The following CPQ variants were observed in gnomAD, a reference collection of about 807,000 sequenced individuals.
CPQ encodes the protein carboxypeptidase Q, also known as Ser-Met dipeptidase.
A neutral mutation model predicts 45.7 loss-of-function variants in CPQ; 37 were observed. That is an observed-to-expected ratio of 0.81 (90% CI 0.62 to 1.07). The LOEUF (loss-of-function observed/expected upper bound fraction) is 1.07. Ranked by LOEUF, CPQ falls within the 50% of genes least tolerant of loss-of-function variation. The probability of loss-of-function intolerance (pLI) is 0.00; values close to 1 mark genes in which losing one functional copy is unlikely to be tolerated. For synonymous variants in CPQ, 186 were observed against 205.8 expected, an observed-to-expected ratio of 0.90 and a Z score of 0.82; for missense variants, 537 against 572.9, an observed-to-expected ratio of 0.94 and a Z score of 0.64.
At chr8:97,038,497 A>G (rs1810040429) in intron 6 of CPQ, among the ~76,000 whole-genome samples, 1 of 152,184 alleles carries the variant, frequency 6.6e-6, no homozygotes, top group Non-Finnish European at 1.5e-5. Context: ...ATCTGAACTG[A>G]GGCATCATGC....
At chr8:96,780,689 T>C (rs1810674042) in intron 1 of CPQ, among the ~76,000 whole-genome samples, 1 of 151,916 alleles carries the variant, frequency 6.6e-6, no homozygotes, top group Admixed American at 6.6e-5. Context: ...TTCTTTTCTT[T>C]TCTTTCTTTC....
intron 4 of CPQ, among the ~76,000 whole-genome samples, chr8:96,937,086 G>GC (rs1813062040): frequency 6.6e-6 from 1 of 151,998 alleles, no homozygotes; most frequent in South Asian, 2.1e-4. Context: ...ACTGAGAGAT[G>GC]CATAAGGCTT....
chr8:96,662,521 C>T (rs1047337408), intron 1 of CPQ, among the ~76,000 whole-genome samples: 5 of 152,122 alleles, frequency 3.3e-5, no homozygotes, highest in African/African-American at 1.2e-4. Flanking sequence ...GAACTGCATC[C>T]TTAAAGCTGG....
chr8:96,798,143 A>G (rs1810960364), intron 2 of CPQ, among the ~76,000 whole-genome samples: 1 of 150,674 alleles, frequency 6.6e-6, no homozygotes, highest in African/African-American at 2.4e-5. Flanking sequence ...GGCCATATAT[A>G]TATATATTTC....
At chr8:96,784,398 G>GT (rs1324426188) in intron 1 of CPQ, among the ~76,000 whole-genome samples, 1 of 147,142 alleles carries the variant, frequency 6.8e-6, no homozygotes, top group Middle Eastern at 3.4e-3. Context: ...TTGTTCTGAG[G>GT]TGGGGGGGGG....
At chr8:97,078,332 C>G (rs1432594578) in intron 7 of CPQ, among the ~76,000 whole-genome samples, 1 of 152,126 alleles carries the variant, frequency 6.6e-6, no homozygotes, top group Non-Finnish European at 1.5e-5. Context: ...TATTTAGAGG[C>G]CACAGTCTGA....
chr8:96,788,214 A>G (rs1810800134), intron 2 of CPQ, among the ~76,000 whole-genome samples: 2 of 148,494 alleles, frequency 1.3e-5, no homozygotes, highest in African/African-American at 5.0e-5. Context: ...GCTGGAGTGC[A>G]ATGGCACAAT....
At chr8:97,080,942 T>TTCCTTCCTTCTTTCCTTCCC in intron 7 of CPQ, among the ~76,000 whole-genome samples, 1 of 151,876 alleles carries the variant, frequency 6.6e-6, no homozygotes, top group Non-Finnish European at 1.5e-5. Context: ...CTTTCCTTCC[T>TTCCTTCCTTCTTTCCTTCCC]TCCTTCCTTC....
intron 5 of CPQ, among the ~76,000 whole-genome samples, chr8:97,021,060 G>A (rs1206517251): frequency 6.6e-6 from 1 of 152,086 alleles, no homozygotes; most frequent in East Asian, 1.9e-4. Flanking sequence ...ACGCAGGAAT[G>A]GTTTAACATA....
intron 1 of CPQ, among the ~76,000 whole-genome samples, chr8:96,775,125 T>C (rs938321148): frequency 6.6e-6 from 1 of 152,238 alleles, no homozygotes; most frequent in Non-Finnish European, 1.5e-5. Flanking sequence ...TAGAACTGGG[T>C]CACGAGGCCT....
At chr8:96,680,119 C>T (rs1809130080) in intron 1 of CPQ, among the ~76,000 whole-genome samples, 1 of 152,176 alleles carries the variant, frequency 6.6e-6, no homozygotes, top group Admixed American at 6.5e-5. Context: ...GTTGTATTCA[C>T]ATCTTCATTT....
At chr8:96,811,772 C>G (rs1376778668) in intron 2 of CPQ, among the ~76,000 whole-genome samples, 1 of 152,086 alleles carries the variant, frequency 6.6e-6, no homozygotes, top group Non-Finnish European at 1.5e-5. Context: ...TAACTTCTTG[C>G]AACATGTATA....
At chr8:96,887,028 C>A (rs1487364413) in intron 4 of CPQ, among the ~76,000 whole-genome samples, 1 of 152,052 alleles carries the variant, frequency 6.6e-6, no homozygotes, top group African/African-American at 2.4e-5. Context: ...CTTTTTAGCT[C>A]CTTGTCACTT....
intron 7 of CPQ, among the ~76,000 whole-genome samples, chr8:97,101,618 A>G (rs571751847): frequency 2.8e-5 from 4 of 142,124 alleles, no homozygotes; most frequent in South Asian, 2.2e-4. Flanking sequence ...AAGGAATCCA[A>G]CTGAGTTTTG....
chr8:96,764,423 T>C (rs1274631708), intron 1 of CPQ, among the ~76,000 whole-genome samples: 1 of 152,206 alleles, frequency 6.6e-6, no homozygotes, highest in Non-Finnish European at 1.5e-5. Context: ...GAGTGTTCCT[T>C]ATAATACGTT....
chr8:96,727,157 G>A (rs912868954), intron 1 of CPQ, among the ~76,000 whole-genome samples: 1 of 152,160 alleles, frequency 6.6e-6, no homozygotes, highest in Non-Finnish European at 1.5e-5. Context: ...AAATTACTGG[G>A]TCATAGAGTA....
At chr8:97,105,972 C>T (rs1811397378) in intron 7 of CPQ, among the ~76,000 whole-genome samples, 1 of 152,158 alleles carries the variant, frequency 6.6e-6, no homozygotes, top group African/African-American at 2.4e-5. Flanking sequence ...CTGAAATGTG[C>T]CTTCATCTTC....
chr8:96,986,625 G>A (rs1253581481), intron 5 of CPQ, among the ~76,000 whole-genome samples: 2 of 152,146 alleles, frequency 1.3e-5, no homozygotes, highest in Non-Finnish European at 2.9e-5. Flanking sequence ...AGGACAGTGG[G>A]CAGAACACTA....
At chr8:96,645,906 GT>G (rs1358006966) in intron 1 of CPQ, among the ~76,000 whole-genome samples, 1 of 151,190 alleles carries the variant, frequency 6.6e-6, no homozygotes, top group Non-Finnish European at 1.5e-5. Context: ...TAGAATCGAA[GT>G]TCCATGAGGG....
Sources: gnomAD v4.1 joint callset for allele counts (sites outside exome capture counted in the v4.1 genomes callset) on GRCh38, gnomAD v4.1.1 for gene constraint, MANE v1.5 for transcripts, NCBI Gene and HGNC (gene_info 2026-07-23, HGNC 2026-07-21) for gene names.